Variants in DPP6 observed in about 807,000 individuals in gnomAD.
DPP6 encodes the protein dipeptidyl peptidase like 6.
Under a neutral mutation model 122.6 loss-of-function variants are expected in DPP6, and 69 were observed. The ratio of observed to expected loss-of-function variants is 0.56; its 90% CI spans 0.46 to 0.69. The LOEUF (loss-of-function observed/expected upper bound fraction) is 0.69, where lower values mean the gene tolerates loss of function less well. DPP6 is among the 30% of genes least tolerant of loss of function. DPP6 has a pLI of 0.00. For synonymous variants in DPP6, 418 were observed against 433.1 expected, an observed-to-expected ratio of 0.97 and a Z score of 0.43; for missense variants, 928 against 1,116.9, an observed-to-expected ratio of 0.83 and a Z score of 2.41.
chr7:154,550,803 T>G (rs1192232519), intron 4 of DPP6, among the ~76,000 whole-genome samples: 1 of 149,098 alleles, frequency 6.7e-6, no homozygotes, highest in Non-Finnish European at 1.5e-5. Flanking sequence ...CAAGCTGGAG[T>G]GCAATGGCGC....
At chr7:154,453,166 A>T (rs1373695326) in intron 2 of DPP6, among the ~76,000 whole-genome samples, 6 of 152,178 alleles carry the variant, frequency 3.9e-5, no homozygotes, top group Admixed American at 2.0e-4. Flanking sequence ...TCGGATTTGC[A>T]TGAAAACATC....
At chr7:153,973,224 A>G (rs1274859396) in intron 1 of DPP6, among the ~76,000 whole-genome samples, 1 of 152,218 alleles carries the variant, frequency 6.6e-6, no homozygotes, top group Non-Finnish European at 1.5e-5. Context: ...CATTCTTTAT[A>G]TAAGGCTCAC....
the DPP6 span, among the ~76,000 whole-genome samples, chr7:153,851,279 T>A: frequency 6.6e-5 from 10 of 152,222 alleles, no homozygotes; most frequent in Non-Finnish European, 1.5e-4. Context: ...AAACTACATT[T>A]TACTAAATTA....
At chr7:154,267,488 G>A (rs913743670) in intron 1 of DPP6, among the ~76,000 whole-genome samples, 10 of 149,744 alleles carry the variant, frequency 6.7e-5, no homozygotes, top group Admixed American at 1.3e-4. Flanking sequence ...ACATACACAT[G>A]TGTACACACA....
chr7:154,588,212 G>T, intron 5 of DPP6: 1 of 1,450,602 alleles, frequency 6.9e-7, no homozygotes, highest in Non-Finnish European at 9.1e-7. Context: ...CCCGCAGAGT[G>T]TCCCAGAGGA....
At position 154,755,584 on chromosome 7, in the gene DPP6, G is replaced by A. The variant is rs549567400; in HGVS notation, c.884-13833G>A. Among the ~76,000 whole-genome samples, 99 of 152,202 alleles carry A rather than the reference G, an allele frequency of 6.5e-4. 2 individuals are homozygous for A. The highest frequency in any genetic ancestry group is 1.8e-3 in the Admixed American group (28 of 15,292). ...TTAACCCATCTACGCAGTTAGAGCC[G>A]GCTTGGCGTGTGCTGGGTGCTCACC... On this transcript the variant is annotated intron_variant, in intron 8 of 25. Coordinates refer to ENST00000377770, the MANE Select transcript of DPP6 (RefSeq NM_130797.4). This position sits in a 1 kb window ranked among gnomAD's most constrained non-coding sequence, Gnocchi z 4.7.
chr7:154,441,120 C>T (rs1440362619), intron 1 of DPP6, among the ~76,000 whole-genome samples: 1 of 152,142 alleles, frequency 6.6e-6, no homozygotes, highest in Non-Finnish European at 1.5e-5. Context: ...TGTGGAGTCA[C>T]AATTATGGAT....
In DPP6 at chr7:154,429,783, C is replaced by G. The variant is rs115021103; in HGVS notation, c.244-16431C>G. On this transcript the variant is annotated intron_variant, in intron 1 of 25. Transcript: ENST00000377770. ...GGTTAGGCAGGGCTTGAATGAGGTG[C>G]AGCGAGGCCGGTGAAACACAGCAGT... Among the ~76,000 whole-genome samples the G allele has an allele frequency of 1.3e-3, 191 of 152,294 alleles. 1 individual carries two copies. The highest frequency in any genetic ancestry group is 4.5e-3 in the African/African-American group (186 of 41,570).
intron 1 of DPP6, among the ~76,000 whole-genome samples, chr7:154,188,737 G>A (rs756079018): frequency 6.6e-6 from 1 of 152,170 alleles, no homozygotes; most frequent in African/African-American, 2.4e-5. Context: ...CTGGTATTGC[G>A]AAGTGTTTAC....
At chr7:154,700,213 T>C (rs928220733) in intron 7 of DPP6, among the ~76,000 whole-genome samples, 2 of 152,260 alleles carry the variant, frequency 1.3e-5, no homozygotes, top group African/African-American at 4.8e-5. Flanking sequence ...TTTGGATTCA[T>C]TGGTACATGG....
At chr7:154,239,341 G>A (rs915778449) in intron 1 of DPP6, among the ~76,000 whole-genome samples, 1 of 152,124 alleles carries the variant, frequency 6.6e-6, no homozygotes, top group Non-Finnish European at 1.5e-5. Context: ...GAACGGAGCA[G>A]TTCCACTTAT....
intron 1 of DPP6, among the ~76,000 whole-genome samples, chr7:153,944,686 T>TTTTTTG (rs869291554): frequency 6.8e-6 from 1 of 146,784 alleles, no homozygotes; most frequent in East Asian, 2.0e-4. Flanking sequence ...TTTTTTTTTT[T>TTTTTTG]GAGACAGAAT....
intron 1 of DPP6, among the ~76,000 whole-genome samples, chr7:154,335,697 C>T (rs1585978274): frequency 6.6e-6 from 1 of 152,126 alleles, no homozygotes; most frequent in South Asian, 2.1e-4. Context: ...AGATGTCCTG[C>T]AATGCAGGCT....
chr7:154,456,252 T>G (rs576562210), intron 2 of DPP6, among the ~76,000 whole-genome samples: 48 of 152,206 alleles, frequency 3.2e-4, no homozygotes, highest in Non-Finnish European at 4.9e-4. Context: ...ATTGATCACT[T>G]CTGCAGAAAC....
At chr7:154,665,230 A>G (rs1050856300) in intron 6 of DPP6, among the ~76,000 whole-genome samples, 8 of 152,166 alleles carry the variant, frequency 5.3e-5, no homozygotes, top group African/African-American at 1.9e-4. Flanking sequence ...TGTCCTTCCC[A>G]TTGCATTATA....
the DPP6 span, among the ~76,000 whole-genome samples, chr7:153,773,648 T>C: frequency 6.6e-6 from 1 of 151,244 alleles, no homozygotes; most frequent in South Asian, 2.1e-4. Flanking sequence ...TAAAAATAAT[T>C]TGAACTACAT....
chr7:154,666,734 C>T (rs1240692321), intron 6 of DPP6, among the ~76,000 whole-genome samples: 1 of 152,156 alleles, frequency 6.6e-6, no homozygotes. Context: ...GAAGGATGTA[C>T]CGTCATTTAT....
chr7:154,422,275 CAA>C (rs1426042258), intron 1 of DPP6, among the ~76,000 whole-genome samples: 1 of 152,082 alleles, frequency 6.6e-6, no homozygotes, highest in Admixed American at 6.5e-5. Context: ...TCTTCCTAGA[CAA>C]AGAGCAGATG....
chr7:153,786,510 C>A, the DPP6 span, among the ~76,000 whole-genome samples: 1 of 151,388 alleles, frequency 6.6e-6, no homozygotes, highest in Non-Finnish European at 1.5e-5. Context: ...GAGGCCGAGG[C>A]GGGCGGATCA....
Sources: allele counts gnomAD v4.1 joint callset (sites outside exome capture counted in the v4.1 genomes callset), GRCh38; gene constraint gnomAD v4.1.1; non-coding constraint Gnocchi (gnomAD v3.1); transcripts MANE v1.5; gene names NCBI Gene and HGNC (gene_info 2026-07-23, HGNC 2026-07-21).